The following ATP11A variants were observed in gnomAD, a reference collection of about 807,000 sequenced individuals.
The protein encoded by ATP11A is ATPase phospholipid transporting 11A.
Under a neutral mutation model 154.4 loss-of-function variants are expected in ATP11A, and 81 were observed. That is an observed-to-expected ratio of 0.52 (90% CI 0.44 to 0.63). The LOEUF (loss-of-function observed/expected upper bound fraction) is 0.63. Ranked by LOEUF, ATP11A falls within the 30% of genes least tolerant of loss-of-function variation. The pLI is 0.00. For synonymous variants in ATP11A, 623 were observed against 585.9 expected, an observed-to-expected ratio of 1.06 and a Z score of -0.91; for missense variants, 1,316 against 1,474.3, an observed-to-expected ratio of 0.89 and a Z score of 1.76.
intron 13 of ATP11A, among the ~76,000 whole-genome samples, chr13:112,831,995 GAC>G (rs1372716043): frequency 6.7e-6 from 1 of 149,796 alleles, no homozygotes; most frequent in Non-Finnish European, 1.5e-5. Flanking sequence ...TGCACACACA[GAC>G]ACACATGCAC....
At chr13:112,843,957 C>T (rs1446570019) in intron 17 of ATP11A, among the ~76,000 whole-genome samples, 1 of 152,206 alleles carries the variant, frequency 6.6e-6, no homozygotes, top group Non-Finnish European at 1.5e-5. Flanking sequence ...AAATACATCA[C>T]TGACTTCCAC....
At chr13:112,796,778 C>T (rs115301686) in intron 2 of ATP11A, among the ~76,000 whole-genome samples, 24 of 152,276 alleles carry the variant, frequency 1.6e-4, no homozygotes, top group African/African-American at 5.8e-4. Context: ...GGACCCGTGA[C>T]CTTGAGACAT....
chr13:112,856,160 G>A (rs535438830), intron 20 of ATP11A, 75 bp downstream of exon 20: 26 of 1,417,540 alleles, frequency 1.8e-5, no homozygotes, highest in African/African-American at 7.1e-5. Flanking sequence ...AGGTCTCACC[G>A]CCTCAGATTG....
At position 112,866,865 on chromosome 13, in the gene ATP11A, A is replaced by G. The variant is rs2080351724; in HGVS notation, c.2991+4290A>G. Among the ~76,000 whole-genome samples the G allele has an allele frequency of 2.0e-5, 3 of 152,176 alleles. No individual in the cohort carries two copies. The South Asian group carries it at 6.2e-4, about 32-fold the overall frequency. On this transcript the variant is annotated intron_variant, in intron 25 of 29. Coordinates refer to ENST00000375645, the MANE Select transcript of ATP11A (RefSeq NM_015205.3). ...TTTACCAGGTCTATCTTGAGAACCA[A>G]TTCAAATATTATTTCACTGTTTTAA...
intron 1 of ATP11A, among the ~76,000 whole-genome samples, chr13:112,763,855 T>G (rs2077015788): frequency 6.6e-6 from 1 of 152,158 alleles, no homozygotes; most frequent in Non-Finnish European, 1.5e-5. Context: ...CTTCCATGTG[T>G]TGGTTTATGT....
chr13:112,836,300 GTTTTA>G (rs966794143), intron 16 of ATP11A, 49 bp downstream of exon 16: 15 of 1,173,556 alleles, frequency 1.3e-5, no homozygotes, highest in Non-Finnish European at 1.9e-5. Context: ...TGGTGGTTGT[GTTTTA>G]TTCTGATGAC....
intron 5 of ATP11A, among the ~76,000 whole-genome samples, chr13:112,815,662 T>C (rs1382482436): frequency 6.6e-6 from 1 of 152,256 alleles, no homozygotes; most frequent in Non-Finnish European, 1.5e-5. Flanking sequence ...ACTTTTGCTT[T>C]ATTTGTCCTC....
At chr13:112,770,991 C>T (rs1339321167) in intron 1 of ATP11A, among the ~76,000 whole-genome samples, 1 of 152,184 alleles carries the variant, frequency 6.6e-6, no homozygotes, top group African/African-American at 2.4e-5. Context: ...GGCCGGTCGG[C>T]TTGCTTCTGT....
intron 18 of ATP11A, 30 bp from the exon 19 acceptor site, chr13:112,854,244 TTTCTC>T (rs768365736): frequency 2.6e-5 from 42 of 1,606,364 alleles, no homozygotes; most frequent in Non-Finnish European, 3.5e-5. Flanking sequence ...AGCACTGACT[TTTCTC>T]TATGCTGTGT....
chr13:112,791,952 C>T (rs529088155), intron 2 of ATP11A, among the ~76,000 whole-genome samples: 7 of 152,170 alleles, frequency 4.6e-5, no homozygotes, highest in Admixed American at 2.6e-4. Flanking sequence ...TCAGGAGCGC[C>T]GTCTGCGTGC....
chr13:112,789,249 G>A (rs1200317671), intron 2 of ATP11A, among the ~76,000 whole-genome samples: 1 of 148,490 alleles, frequency 6.7e-6, no homozygotes. Flanking sequence ...ATCCACACCG[G>A]GTGTCCTGAT....
intron 29 of ATP11A, chr13:112,880,735 T>G: frequency 1.7e-6 from 2 of 1,180,756 alleles, no homozygotes; most frequent in Admixed American, 3.1e-5. Flanking sequence ...CTGTGCTGTC[T>G]TTGATAACAA....
Position 112,711,432 on chromosome 13 carries a change from C to G in ATP11A, c.39+20977C>G, listed in dbSNP as rs144362675. Among the ~76,000 whole-genome samples, 849 of 152,120 alleles carry G rather than the reference C, an allele frequency of 5.6e-3. 6 individuals carry two copies. Among genetic ancestry groups the G allele is most frequent in the African/African-American group, 0.02 (820 of 41,484 alleles). On this transcript the variant is annotated intron_variant, in intron 1 of 29. Transcript: ENST00000375645. ...AGCCAACCTGGGCAACATAGCAAGA[C>G]CCTGTCTCTGATACATACGTAAATA...
chr13:112,859,455 C>A lies in ATP11A; in HGVS notation c.2727+3C>A, dbSNP rs200879150. ...TCTTCTGTGGGTTTTCACAACAGGT[C>A]AGTCCTAGGGTCTTCAGGGACAGGC... On this transcript the variant is annotated splice_donor_region_variant and intron_variant, in intron 23 of 29. Coordinates refer to ENST00000375645, the MANE Select transcript of ATP11A (RefSeq NM_015205.3). This position sits in a 1 kb window ranked among gnomAD's most constrained non-coding sequence, Gnocchi z 4.3. 239 of 1,612,212 alleles carry A rather than the reference C, an allele frequency of 1.5e-4. No homozygotes were observed. Among genetic ancestry groups the A allele is most frequent in the Non-Finnish European group, 2.7e-5 (32 of 1,178,420 alleles).
intron 18 of ATP11A, among the ~76,000 whole-genome samples, chr13:112,852,954 A>G (rs1218672818): frequency 3.3e-5 from 5 of 152,108 alleles, no homozygotes; most frequent in African/African-American, 1.2e-4. Context: ...GGCCCGGTGG[A>G]GCACGCTTGT....
intron 1 of ATP11A, among the ~76,000 whole-genome samples, chr13:112,717,040 T>A (rs1289678331): frequency 6.6e-6 from 1 of 151,758 alleles, no homozygotes; most frequent in Non-Finnish European, 1.5e-5. Context: ...TGGTGATGAG[T>A]GGGGGACACG....
intron 17 of ATP11A, among the ~76,000 whole-genome samples, chr13:112,849,698 G>A (rs1267031225): frequency 2.6e-5 from 4 of 152,186 alleles, no homozygotes; most frequent in African/African-American, 7.2e-5. Flanking sequence ...TTCAGCAAAC[G>A]TTGTTGAGTT....
intron 1 of ATP11A, among the ~76,000 whole-genome samples, chr13:112,780,146 T>TA (rs1469209817): frequency 6.6e-6 from 1 of 151,980 alleles, no homozygotes; most frequent in Non-Finnish European, 1.5e-5. Context: ...CAAAAATACT[T>TA]ACAACATTTT....
At position 112,859,181 on chromosome 13, in the gene ATP11A, C is replaced by T. The variant is rs144828864; in HGVS notation, c.2668-212C>T. The T allele has an allele frequency of 1.0e-3, 572 of 569,942 alleles. No individual in the cohort carries two copies. Among genetic ancestry groups the T allele is most frequent in the Non-Finnish European group, 1.5e-3 (468 of 315,986 alleles). The allele number at this position is 569,942 out of a possible 1,614,324, so 35.3% of individuals were successfully genotyped here. On this transcript the variant is annotated intron_variant, in intron 22 of 29. Transcript: ENST00000375645. This position sits in a 1 kb window ranked among gnomAD's most constrained non-coding sequence, Gnocchi z 4.3. Reference sequence around the variant, plus strand: ...TTGGAGCTGACAAATTTCCTCTATACGTTGTCTGTCCTGAGTGGCCAAAAC... The same window carrying T: ...TTGGAGCTGACAAATTTCCTCTATATGTTGTCTGTCCTGAGTGGCCAAAAC...
Sources: allele counts gnomAD v4.1 joint callset (sites outside exome capture counted in the v4.1 genomes callset), GRCh38; gene constraint gnomAD v4.1.1; non-coding constraint Gnocchi (gnomAD v3.1); transcripts MANE v1.5; gene names NCBI Gene and HGNC (gene_info 2026-07-23, HGNC 2026-07-21).